SPAG16: variants seen among roughly 807,000 people sequenced by gnomAD.
SPAG16 encodes sperm-associated antigen 16 protein.
Under a neutral mutation model 80.4 loss-of-function variants are expected in SPAG16, and 86 were observed. The observed-to-expected ratio is 1.07, with a 90% CI of 0.90 to 1.28. The LOEUF is 1.28. SPAG16 is among the 50% of genes most tolerant of loss of function. The probability of loss-of-function intolerance (pLI) is 0.00; values close to 1 mark genes in which losing one functional copy is unlikely to be tolerated. For missense variants in SPAG16, 870 were observed against 765.3 expected (o/e 1.14, Z -1.61); for synonymous variants, 294 against 265.9 (o/e 1.11, Z -1.03).
At chr2:214,397,517 C>G (rs959823163) in intron 15 of SPAG16, among the ~76,000 whole-genome samples, 1 of 152,100 alleles carries the variant, frequency 6.6e-6, no homozygotes, top group African/African-American at 2.4e-5. Context: ...TTTTTCTATT[C>G]CTTCGCAACT....
At chr2:214,165,046 G>C (rs535045189) in intron 15 of SPAG16, among the ~76,000 whole-genome samples, 7 of 152,176 alleles carry the variant, frequency 4.6e-5, no homozygotes, top group Admixed American at 4.6e-4. Flanking sequence ...CCTCTTTACT[G>C]TATGGAAATT....
At chr2:213,919,865 A>G (rs1278085713) in intron 11 of SPAG16, among the ~76,000 whole-genome samples, 3 of 152,118 alleles carry the variant, frequency 2.0e-5, no homozygotes, top group Non-Finnish European at 4.4e-5. Flanking sequence ...TTCTGACTCA[A>G]TGATCTAATA....
chr2:213,836,185 C>A (rs554135126), intron 10 of SPAG16, among the ~76,000 whole-genome samples: 5 of 145,476 alleles, frequency 3.4e-5, no homozygotes, highest in Non-Finnish European at 6.1e-5. Flanking sequence ...CGCCCCCCCC[C>A]CCATTTCCTA....
At position 214,038,594 on chromosome 2, in the gene SPAG16, A is replaced by T. The variant is rs551610682; in HGVS notation, c.1527+24517A>T. 2.6e-5 allele frequency among the ~76,000 whole-genome samples: 4 copies of T among 152,058 alleles called. No individual in the cohort carries two copies. The South Asian group carries it at 8.3e-4, about 32-fold the overall frequency. ...TTTAGGGTACATGTGCACAATGTGC[A>T]GGTTAGTTACATATATATACATGTG... On this transcript the variant is annotated intron_variant, in intron 13 of 15. Coordinates refer to ENST00000331683, the MANE Select transcript of SPAG16 (RefSeq NM_024532.5).
chr2:214,397,850 T>C (rs1406189751), intron 15 of SPAG16, among the ~76,000 whole-genome samples: 1 of 152,184 alleles, frequency 6.6e-6, no homozygotes, highest in Non-Finnish European at 1.5e-5. Context: ...CTATCTGAAG[T>C]AGAATTTTTT....
At chr2:214,023,873 T>C (rs2048008654) in intron 13 of SPAG16, among the ~76,000 whole-genome samples, 2 of 151,728 alleles carry the variant, frequency 1.3e-5, no homozygotes, top group African/African-American at 4.8e-5. Context: ...AATATCATAT[T>C]CAATAATGGC....
chr2:213,840,713 G>T (rs926352327), intron 10 of SPAG16, among the ~76,000 whole-genome samples: 2 of 152,132 alleles, frequency 1.3e-5, no homozygotes, highest in Non-Finnish European at 2.9e-5. Context: ...CTCAAAAAGG[G>T]CTAGGATTGG....
intron 15 of SPAG16, among the ~76,000 whole-genome samples, chr2:214,188,489 T>C (rs2057550399): frequency 6.6e-6 from 1 of 152,200 alleles, no homozygotes; most frequent in Non-Finnish European, 1.5e-5. Context: ...TGAAATTCCA[T>C]AGTTTAGAAT....
chr2:213,993,426 A>C (rs1193977905), intron 12 of SPAG16, among the ~76,000 whole-genome samples: 1 of 152,188 alleles, frequency 6.6e-6, no homozygotes, highest in Admixed American at 6.5e-5. Flanking sequence ...TAATTTGTTA[A>C]CTATGGTTGT....
intron 10 of SPAG16, among the ~76,000 whole-genome samples, chr2:213,575,469 TATTA>T (rs893937119): frequency 6.6e-6 from 1 of 152,136 alleles, no homozygotes; most frequent in Non-Finnish European, 1.5e-5. Flanking sequence ...CTTATCCCCA[TATTA>T]ATTAATCAAA....
At chr2:214,008,049 T>C (rs1203284751) in intron 12 of SPAG16, among the ~76,000 whole-genome samples, 2 of 152,270 alleles carry the variant, frequency 1.3e-5, no homozygotes, top group East Asian at 3.9e-4. Flanking sequence ...TTATTGAGAC[T>C]GTAATCCATG....
chr2:214,123,755 C>G (rs2054337725), intron 14 of SPAG16, among the ~76,000 whole-genome samples: 1 of 151,852 alleles, frequency 6.6e-6, no homozygotes, highest in Non-Finnish European at 1.5e-5. Context: ...TAAAGAAATC[C>G]TAAAAGTTCT....
At chr2:213,334,550 C>A (rs1026487081) in intron 5 of SPAG16, among the ~76,000 whole-genome samples, 1 of 152,134 alleles carries the variant, frequency 6.6e-6, no homozygotes, top group African/African-American at 2.4e-5. Context: ...GATTTGAAAG[C>A]AACCTAAGTG....
intron 1 of SPAG16, among the ~76,000 whole-genome samples, chr2:213,291,978 G>A (rs1404652233): frequency 2.6e-5 from 4 of 152,156 alleles, no homozygotes; most frequent in Non-Finnish European, 5.9e-5. Flanking sequence ...TTGATTGTGG[G>A]AAAGTAATAC....
chr2:214,362,943 T>C (rs1220090985), intron 15 of SPAG16, among the ~76,000 whole-genome samples: 2 of 151,986 alleles, frequency 1.3e-5, no homozygotes, highest in Admixed American at 1.3e-4. Flanking sequence ...CATTTCCATC[T>C]CTAAAGTTCC....
intron 5 of SPAG16, among the ~76,000 whole-genome samples, chr2:213,318,601 T>C (rs1436353960): frequency 6.6e-6 from 1 of 151,780 alleles, no homozygotes; most frequent in African/African-American, 2.4e-5. Context: ...AATATATCCA[T>C]GTAAAACAAC....
intron 9 of SPAG16, among the ~76,000 whole-genome samples, chr2:213,446,967 A>G (rs2125555168): frequency 6.6e-6 from 1 of 152,296 alleles, no homozygotes; most frequent in East Asian, 1.9e-4. Flanking sequence ...GACAAATGAA[A>G]GGGGGAGTAA....
chr2:213,518,326 A>G (rs1012967867), intron 10 of SPAG16, among the ~76,000 whole-genome samples: 8 of 152,212 alleles, frequency 5.3e-5, no homozygotes, highest in African/African-American at 1.9e-4. Flanking sequence ...GAGTGCAGGT[A>G]GCATGATCAT....
chr2:214,351,385 T>C (rs1286178763), intron 15 of SPAG16, among the ~76,000 whole-genome samples: 1 of 151,454 alleles, frequency 6.6e-6, no homozygotes, highest in Non-Finnish European at 1.5e-5. Context: ...ATTGTCTGTG[T>C]GTCTGTGTGT....
Sources: allele counts gnomAD v4.1 joint callset (sites outside exome capture counted in the v4.1 genomes callset), GRCh38; gene constraint gnomAD v4.1.1; transcripts MANE v1.5; gene names NCBI Gene and HGNC (gene_info 2026-07-23, HGNC 2026-07-21).